The following ATP6V1B1 variants were observed in gnomAD, a reference collection of about 807,000 sequenced individuals.
ATP6V1B1 encodes the protein V-type proton ATPase subunit B, kidney isoform.
A neutral mutation model predicts 62.1 loss-of-function variants in ATP6V1B1; 41 were observed. The observed-to-expected ratio is 0.66, with a 90% CI of 0.51 to 0.86. ATP6V1B1 has a LOEUF of 0.86. ATP6V1B1 is among the 40% of genes least tolerant of loss of function. The pLI is 0.00. For synonymous variants in ATP6V1B1, 253 were observed against 273.4 expected (o/e 0.93, Z 0.74); for missense variants, 651 against 697.5 (o/e 0.93, Z 0.75).
At chr2:70,937,015 A>G (rs1429686065) in intron 1 of ATP6V1B1, among the ~76,000 whole-genome samples, 1 of 152,068 alleles carries the variant, frequency 6.6e-6, no homozygotes, top group Admixed American at 6.5e-5. Context: ...GGCCTGGTGA[A>G]TTCTCAGGCC....
Position 70,958,374 on chromosome 2 carries a change from T to C in ATP6V1B1, c.315T>C (p.Thr105=), listed in dbSNP as rs782015931. 6.2e-7 allele frequency: 1 copy of C among 1,614,078 alleles called. No homozygotes were observed. Reference sequence around the variant, plus strand: ...CAGGGATCGATGCCAGGAAGACCACTTGCGAATTTACAGGGGACATCCTAC... The same window carrying C: ...CAGGGATCGATGCCAGGAAGACCACCTGCGAATTTACAGGGGACATCCTAC... ...GTSGIDARKT[T]CEFTGDILRT... Residue 105 remains threonine (T), a synonymous_variant, in exon 4 of 14, where the codon ACT becomes ACC. Transcript: ENST00000234396.
chr2:70,944,192 A>G (rs1393463663), intron 2 of ATP6V1B1: 1 of 1,289,320 alleles, frequency 7.8e-7, no homozygotes, highest in Non-Finnish European at 1.0e-6. Flanking sequence ...ATGGCCTCCA[A>G]AGGCCTTTGG....
At chr2:70,938,892 GC>G in intron 1 of ATP6V1B1, 1 of 741,542 alleles carries the variant, frequency 1.3e-6, no homozygotes, top group Non-Finnish European at 1.6e-6. Flanking sequence ...TCCCCCAGGA[GC>G]TTGAGTGCCA....
At chr2:70,961,133 A>G in intron 7 of ATP6V1B1, 111 bp downstream of exon 7, 1 of 1,174,896 alleles carries the variant, frequency 8.5e-7, no homozygotes, top group Non-Finnish European at 1.2e-6. Flanking sequence ...TGTCCCGGCC[A>G]GCCAGGAGGG....
At chr2:70,942,889 A>G (rs1680038206) in intron 1 of ATP6V1B1, among the ~76,000 whole-genome samples, 3 of 152,232 alleles carry the variant, frequency 2.0e-5, no homozygotes, top group Admixed American at 1.3e-4. Context: ...TCTCTCAGCC[A>G]GCCTCTAGCA....
intron 4 of ATP6V1B1, among the ~76,000 whole-genome samples, chr2:70,958,778 A>G (rs551567093): frequency 2.0e-5 from 3 of 152,166 alleles, no homozygotes; most frequent in Non-Finnish European, 4.4e-5. Context: ...GGAATCCCCC[A>G]TTAGAGTCAT....
At chr2:70,953,824 T>A (rs947119427) in intron 2 of ATP6V1B1, among the ~76,000 whole-genome samples, 1 of 152,252 alleles carries the variant, frequency 6.6e-6, no homozygotes, top group Non-Finnish European at 1.5e-5. Flanking sequence ...GGGATTGCTA[T>A]TTAATATCTT....
intron 2 of ATP6V1B1, among the ~76,000 whole-genome samples, chr2:70,951,008 T>C (rs1553418227): frequency 8.0e-6 from 1 of 125,342 alleles, no homozygotes; most frequent in East Asian, 2.7e-4. Flanking sequence ...AGTGGCAAAA[T>C]CTTGGCTCAC....
Position 70,965,322 on chromosome 2 carries a change from C to G in ATP6V1B1, c.*201C>G. Reference sequence around the variant, plus strand: ...CGCTCCATGCCTCCCCCTCGACTCCCGGTGCTGCGGAAGAACTGAAGGTTG... The same window carrying G: ...CGCTCCATGCCTCCCCCTCGACTCCGGGTGCTGCGGAAGAACTGAAGGTTG... On this transcript the variant is annotated 3_prime_UTR_variant, in exon 14 of 14. Transcript: ENST00000234396. 2.8e-6 allele frequency: 2 copies of G among 709,218 alleles called. No individual in the cohort carries two copies. Among genetic ancestry groups the G allele is most frequent in the South Asian group, 3.8e-5 (2 of 53,234 alleles). 43.9% of individuals were successfully genotyped at this position (709,218 alleles called of 1,614,324 possible).
intron 1 of ATP6V1B1, 109 bp downstream of exon 1, chr2:70,936,181 C>A: frequency 8.9e-7 from 1 of 1,117,664 alleles, no homozygotes; most frequent in Non-Finnish European, 1.3e-6. Flanking sequence ...GGACCCAAGA[C>A]CTGGGGAGAC....
At chr2:70,955,648 T>A (rs1490048882) in intron 2 of ATP6V1B1, among the ~76,000 whole-genome samples, 1 of 152,244 alleles carries the variant, frequency 6.6e-6, no homozygotes, top group Non-Finnish European at 1.5e-5. Flanking sequence ...TGTTGCGGCA[T>A]CTATCAGTGC....
chr2:70,957,986 G>A (rs1680482310), intron 2 of ATP6V1B1, 60 bp from the exon 3 acceptor site: 2 of 1,494,404 alleles, frequency 1.3e-6, no homozygotes, highest in African/African-American at 1.4e-5. Flanking sequence ...AGGGCCGGAG[G>A]AGGAGAAGGG....
At chr2:70,964,394 G>C (rs781804715) in intron 11 of ATP6V1B1, 44 bp from the exon 12 acceptor site, 9 of 1,601,214 alleles carry the variant, frequency 5.6e-6, no homozygotes, top group Non-Finnish European at 1.7e-6. Context: ...GGGGAGCAAA[G>C]CTTGAGTCCT....
At chr2:70,945,662 G>C (rs1680141166) in intron 2 of ATP6V1B1, among the ~76,000 whole-genome samples, 1 of 139,144 alleles carries the variant, frequency 7.2e-6, no homozygotes, top group Admixed American at 7.6e-5. Flanking sequence ...CTTTCTTTGT[G>C]TTGGGAATAT....
In ATP6V1B1 at chr2:70,960,930, C is replaced by G; in HGVS notation, c.595C>G (p.Gln199Glu). Residue 199 changes from glutamine to glutamate, a missense_variant, in exon 7 of 14, where the codon CAG becomes GAG. Gln to Glu is a conservative substitution (Grantham distance 29). Transcript: ENST00000234396. ...AGLPHNEIAAQICRQAGLVKK... is the reference protein window; with the variant it reads ...AGLPHNEIAAEICRQAGLVKK... ...ATCCACTCTGCCCTAGATTGCCGCT[C>G]AGATCTGCCGCCAGGCGGGGCTGGT... 1.2e-6 allele frequency: 2 copies of G among 1,608,598 alleles called. No individual in the cohort carries two copies. The highest frequency in any genetic ancestry group is 8.5e-7 in the Non-Finnish European group (1 of 1,177,494).
At chr2:70,962,663 C>T in intron 8 of ATP6V1B1, 114 bp from the exon 9 acceptor site, 1 of 1,534,826 alleles carries the variant, frequency 6.5e-7, no homozygotes, top group East Asian at 2.3e-5. Context: ...TTATCCATTC[C>T]TCTGCCACTA....
Position 70,963,797 on chromosome 2 carries a change from G to A in ATP6V1B1, c.1143+143G>A. 1 of 895,754 alleles carries A rather than the reference G, an allele frequency of 1.1e-6. No individual in the cohort carries two copies. The highest frequency in any genetic ancestry group is 1.8e-6 in the Non-Finnish European group (1 of 550,004). 55.5% of individuals were successfully genotyped at this position (895,754 alleles called of 1,614,324 possible). A position where few individuals can be genotyped will look rare whatever the true frequency, so the allele number is the denominator to read the frequency against. ...GAGACAGCCACAGGGAAGACTGCAT[G>A]GTTCACAGACAGAAGACAGGCCTGA... On this transcript the variant is annotated intron_variant, in intron 11 of 13. Coordinates refer to ENST00000234396, the MANE Select transcript of ATP6V1B1 (RefSeq NM_001692.4). This position sits in a 1 kb window ranked among gnomAD's most constrained non-coding sequence, Gnocchi z 4.3.
chr2:70,942,218 G>C (rs1553416523), intron 1 of ATP6V1B1: 2 of 425,916 alleles, frequency 4.7e-6, no homozygotes, highest in African/African-American at 2.0e-5. Context: ...GAAGGAAGAA[G>C]AGGGTGGCTC....
chr2:70,965,061 C>G lies in ATP6V1B1; in HGVS notation c.1482C>G (p.Ile494Met). The G allele has an allele frequency of 1.2e-6, 2 of 1,613,472 alleles. No individual in the cohort carries two copies. The highest frequency in any genetic ancestry group is 1.7e-6 in the Non-Finnish European group (2 of 1,180,042). Residue 494 changes from isoleucine to methionine, a missense_variant, in exon 14 of 14, where the codon ATC becomes ATG. Ile to Met is a conservative substitution (Grantham distance 10). Transcript: ENST00000234396. ...EMLKRIPQAV[I>M]DEFYSREGAL... Reference sequence around the variant, plus strand: ...TGAAGCGCATTCCGCAGGCCGTGATCGACGAGTTCTATTCCCGCGAGGGGG... The same window carrying G: ...TGAAGCGCATTCCGCAGGCCGTGATGGACGAGTTCTATTCCCGCGAGGGGG...
Sources: allele counts gnomAD v4.1 joint callset (sites outside exome capture counted in the v4.1 genomes callset), GRCh38; gene constraint gnomAD v4.1.1; non-coding constraint Gnocchi (gnomAD v3.1); transcripts MANE v1.5; gene names NCBI Gene and HGNC (gene_info 2026-07-23, HGNC 2026-07-21).